PHEX: variants seen among roughly 807,000 people sequenced by gnomAD.
PHEX encodes phosphate-regulating neutral endopeptidase PHEX.
PHEX carries 16 observed loss-of-function variants against 68.0 expected under a neutral mutation model. The ratio of observed to expected loss-of-function variants is 0.24; its 90% CI spans 0.16 to 0.36. PHEX has a LOEUF of 0.36. Among genes scored for constraint, PHEX ranks in the 10% least tolerant of loss-of-function variants. The probability of loss-of-function intolerance (pLI) is 1.00; values close to 1 mark genes in which losing one functional copy is unlikely to be tolerated. For missense variants in PHEX, 480 were observed against 575.5 expected, an observed-to-expected ratio of 0.83 and a Z score of 1.70; for synonymous variants, 208 against 205.1, an observed-to-expected ratio of 1.01 and a Z score of -0.12.
chrX:22,171,314 T>C (rs895568103), intron 13 of PHEX: 3 of 110,564 alleles, frequency 2.7e-5, no homozygotes, highest in Non-Finnish European at 5.7e-5. Context: ...GAGAACTCAC[T>C]ATCACAAGAA....
intron 18 of PHEX, among the ~76,000 whole-genome samples, chrX:22,225,875 G>C: frequency 8.9e-6 from 1 of 112,011 alleles, no homozygotes; most frequent in South Asian, 3.7e-4. Context: ...TACCATGCTG[G>C]CTGGTTGTCA....
intron 20 of PHEX, among the ~76,000 whole-genome samples, chrX:22,235,833 A>T (rs980101605): frequency 3.8e-5 from 4 of 105,816 alleles, no homozygotes; most frequent in Non-Finnish European, 7.8e-5. Context: ...TGACTTCAGC[A>T]TTTTTTTTTT....
At chrX:22,046,954 G>A (rs1395915050) in intron 2 of PHEX, 96 bp from the exon 3 acceptor site, 1 of 741,486 alleles carries the variant, frequency 1.3e-6, no homozygotes, top group East Asian at 3.2e-5. Context: ...CCAAGGCTTG[G>A]AAACTGGTTG....
At chrX:22,041,265 C>CTCTATATATATATATATATA (rs1468778300) in intron 2 of PHEX, among the ~76,000 whole-genome samples, 1 of 72,819 alleles carries the variant, frequency 1.4e-5, no homozygotes, top group African/African-American at 6.3e-5. Flanking sequence ...CTCTCTCTCT[C>CTCTATATATATATATATATA]TATATATATA....
At chrX:22,156,691 G>A (rs1157798872) in intron 12 of PHEX, among the ~76,000 whole-genome samples, 1 of 109,861 alleles carries the variant, frequency 9.1e-6, no homozygotes, top group Non-Finnish European at 1.9e-5. Flanking sequence ...TTATCATTTT[G>A]GTTATGTCTG....
At chrX:22,176,402 A>T (rs4824178) in intron 13 of PHEX, among the ~76,000 whole-genome samples, 9,733 of 55,893 alleles carry the variant, frequency 0.17, 925 homozygotes, top group East Asian at 0.32. Context: ...AAAAAAAAAA[A>T]ATATATATAT....
intron 7 of PHEX, among the ~76,000 whole-genome samples, chrX:22,095,902 A>G (rs1277540204): frequency 8.9e-6 from 1 of 112,228 alleles, no homozygotes; most frequent in African/African-American, 3.2e-5. Context: ...TGTAATTACA[A>G]CCAGGGAAGC....
chrX:22,246,911 T>C (rs766161288), intron 21 of PHEX, among the ~76,000 whole-genome samples: 18 of 111,388 alleles, frequency 1.6e-4, no homozygotes, highest in Non-Finnish European at 3.8e-5. Context: ...GAGTAAGAAA[T>C]AGAAGGGGGG....
intron 12 of PHEX, among the ~76,000 whole-genome samples, chrX:22,140,833 C>G (rs983938583): frequency 2.0e-4 from 22 of 111,622 alleles, no homozygotes; most frequent in Non-Finnish European, 3.6e-4. Context: ...ATTAAATTAA[C>G]CAACATTACA....
chrX:22,173,767 C>A (rs753762815), intron 13 of PHEX, among the ~76,000 whole-genome samples: 1 of 110,995 alleles, frequency 9.0e-6, no homozygotes, highest in Admixed American at 9.6e-5. Flanking sequence ...TTGGATATAT[C>A]TCTGAGTATC....
At chrX:22,064,178 A>T (rs1928497196) in intron 3 of PHEX, among the ~76,000 whole-genome samples, 1 of 111,767 alleles carries the variant, frequency 8.9e-6, no homozygotes, top group Non-Finnish European at 1.9e-5. Context: ...AGGGGTACCT[A>T]TGCAGGTTTG....
At chrX:22,089,407 T>G (rs770959728) in intron 5 of PHEX, among the ~76,000 whole-genome samples, 915 of 63,366 alleles carry the variant, frequency 0.014, 7 homozygotes, top group African/African-American at 0.065. Flanking sequence ...GTTTTTTTTG[T>G]TTTTTTTTTG....
At chrX:22,226,062 G>A (rs1430181386) in intron 18 of PHEX, among the ~76,000 whole-genome samples, 1 of 112,101 alleles carries the variant, frequency 8.9e-6, no homozygotes, top group East Asian at 2.8e-4. Flanking sequence ...CAGGCACAAT[G>A]AGAAGAATAC....
intron 17 of PHEX, 42 bp downstream of exon 17, chrX:22,219,145 A>G: frequency 1.2e-6 from 1 of 824,573 alleles, no homozygotes; most frequent in Non-Finnish European, 1.8e-6. Context: ...TTTTATAATA[A>G]TGTTGACTAT....
At chrX:22,153,962 G>A (rs1932899573) in intron 12 of PHEX, among the ~76,000 whole-genome samples, 1 of 110,950 alleles carries the variant, frequency 9.0e-6, no homozygotes, top group Admixed American at 9.6e-5. Context: ...AAGATCCTGA[G>A]GTATATTTAT....
rs57848379 is a variant in PHEX, at chrX:22,155,143, C to T, written c.1405-13169C>T. On this transcript the variant is annotated intron_variant, in intron 12 of 21. Transcript: ENST00000379374. ...GTCGGGCTAGTTTCAAACTTCTGAC[C>T]GCAGGCAATCCACCCGCCTCGACCT... Among the ~76,000 whole-genome samples, 5 of 112,379 alleles carry T rather than the reference C, an allele frequency of 4.4e-5. No individual in the cohort carries two copies. In the East Asian group the frequency reaches 8.5e-4, roughly 19 times the overall value.
At chrX:22,190,250 T>C (rs1439819412) in intron 14 of PHEX, among the ~76,000 whole-genome samples, 194 bp from the exon 15 acceptor site, 1 of 112,189 alleles carries the variant, frequency 8.9e-6, no homozygotes, top group East Asian at 2.8e-4. Context: ...CATTGAGCCA[T>C]GTTCAGTTTA....
intron 9 of PHEX, among the ~76,000 whole-genome samples, chrX:22,104,228 T>C (rs973107390): frequency 1.8e-5 from 2 of 111,781 alleles, no homozygotes; most frequent in Admixed American, 9.5e-5. Context: ...GTCTAGGGGA[T>C]TAGGCCTCTT....
At chrX:22,187,115 A>C (rs1388257916) in intron 14 of PHEX, among the ~76,000 whole-genome samples, 2 of 111,788 alleles carry the variant, frequency 1.8e-5, no homozygotes, top group Non-Finnish European at 3.8e-5. Context: ...GCACAGATTT[A>C]TTATCTCACA....
Sources: gnomAD v4.1 joint callset for allele counts (sites outside exome capture counted in the v4.1 genomes callset) on GRCh38, gnomAD v4.1.1 for gene constraint, MANE v1.5 for transcripts, NCBI Gene and HGNC (gene_info 2026-07-23, HGNC 2026-07-21) for gene names.